MED12L: variants seen among roughly 807,000 people sequenced by gnomAD.
The protein encoded by MED12L is mediator of RNA polymerase II transcription subunit 12-like protein.
MED12L carries 60 observed loss-of-function variants against 281.3 expected under a neutral mutation model. The ratio of observed to expected loss-of-function variants is 0.21; its 90% CI spans 0.17 to 0.26. The LOEUF is 0.26. Among genes scored for constraint, MED12L ranks in the 10% least tolerant of loss-of-function variants. MED12L has a pLI of 1.00. For synonymous variants in MED12L, 974 were observed against 987.2 expected, an observed-to-expected ratio of 0.99 and a Z score of 0.25; for missense variants, 2,146 against 2,680.9, an observed-to-expected ratio of 0.80 and a Z score of 4.41.
chr3:151,294,550 G>A lies in MED12L; in HGVS notation c.2251-55509G>A, dbSNP rs1205251936. On this transcript the variant is annotated intron_variant, in intron 16 of 44. Transcript: ENST00000687756. ...TGAATTGCCTGCTGGATTTGTGGAT[G>A]TACCTGGATATGGCTATGTAACATC... 2.5e-6 allele frequency: 4 copies of A among 1,614,042 alleles called. No homozygotes were observed. The African/African-American group carries it at 5.3e-5, about 22-fold the overall frequency.
At chr3:151,143,069 C>T (rs1450989925) in intron 5 of MED12L, among the ~76,000 whole-genome samples, 1 of 152,184 alleles carries the variant, frequency 6.6e-6, no homozygotes, top group East Asian at 1.9e-4. Flanking sequence ...ACATAACATG[C>T]ATCATTCTTT....
intron 16 of MED12L, among the ~76,000 whole-genome samples, chr3:151,246,406 C>G (rs1409993582): frequency 2.0e-5 from 3 of 152,062 alleles, no homozygotes; most frequent in Admixed American, 6.5e-5. Flanking sequence ...CAGCATGGTA[C>G]TGGTACCAAA....
chr3:151,278,680 AAATTCAACATGTGGTAT>A (rs1426827796), intron 16 of MED12L, among the ~76,000 whole-genome samples: 1 of 152,168 alleles, frequency 6.6e-6, no homozygotes, highest in Non-Finnish European at 1.5e-5. Flanking sequence ...TGCCATTGTC[AAATTCAACATGTGGTAT>A]GAGGTGGAGA....
At position 151,434,835 on chromosome 3, in the gene MED12L, A is replaced by AATTTAACTCAC. The variant is rs1339969694; in HGVS notation, c.*2031_*2032insATTTAACTCAC. 1 of 152,248 alleles carries AATTTAACTCAC rather than the reference A, an allele frequency of 6.6e-6. No individual in the cohort carries two copies. Among genetic ancestry groups the AATTTAACTCAC allele is most frequent in the African/African-American group, 2.4e-5 (1 of 41,474 alleles). 9.4% of individuals were successfully genotyped at this position (152,248 alleles called of 1,614,324 possible). On this transcript the variant is annotated 3_prime_UTR_variant, in exon 45 of 45. Coordinates refer to ENST00000687756, the MANE Select transcript of MED12L (RefSeq NM_001393769.1). Reference sequence around the variant, plus strand: ...TGCATAGCATTTGTATGCACTTTATACTTTGCAGAGGTGAGTTAAATTATT... The same window carrying AATTTAACTCAC: ...TGCATAGCATTTGTATGCACTTTATAATTTAACTCACCTTTGCAGAGGTGAGTTAAATTATT...
At chr3:151,403,308 T>G (rs1289156705) in intron 39 of MED12L, among the ~76,000 whole-genome samples, 1 of 152,190 alleles carries the variant, frequency 6.6e-6, no homozygotes, top group East Asian at 1.9e-4. Flanking sequence ...ATAGACCAGT[T>G]CGTGCACCTT....
At position 151,087,120 on chromosome 3, in the gene MED12L, GT is replaced by G. The variant is rs1285042634; in HGVS notation, c.99+96del. On this transcript the variant is annotated intron_variant, in intron 2 of 44. Coordinates refer to ENST00000687756, the MANE Select transcript of MED12L (RefSeq NM_001393769.1). ...CCCAGCGGGCATCGCCGGCGCTGCG[GT>G]GGAAGAGGTCGGGGAGGGGGATTAG... 1.2e-5 allele frequency: 12 copies of G among 1,038,876 alleles called. No homozygotes were observed. The African/African-American group carries it at 1.8e-4, about 16-fold the overall frequency. 64.4% of individuals were successfully genotyped at this position (1,038,876 alleles called of 1,614,324 possible).
intron 39 of MED12L, among the ~76,000 whole-genome samples, chr3:151,400,636 G>A (rs1577564940): frequency 6.6e-6 from 1 of 152,172 alleles, no homozygotes; most frequent in Non-Finnish European, 1.5e-5. Flanking sequence ...TCCCAGAGCT[G>A]TTAGCTCCTT....
intron 37 of MED12L, 102 bp from the exon 38 acceptor site, chr3:151,389,877 T>C: frequency 1.8e-6 from 2 of 1,109,128 alleles, no homozygotes; most frequent in South Asian, 2.9e-5. Context: ...GCTTTGTACA[T>C]TGGGATAGGA....
At chr3:151,397,546 G>C (rs910911662) in intron 39 of MED12L, among the ~76,000 whole-genome samples, 5 of 152,028 alleles carry the variant, frequency 3.3e-5, no homozygotes, top group Non-Finnish European at 7.4e-5. Flanking sequence ...TAGCAAATAT[G>C]GTCTTATGGC....
intron 31 of MED12L, 152 bp from the exon 32 acceptor site, chr3:151,379,961 T>A: frequency 3.8e-6 from 2 of 529,866 alleles, no homozygotes; most frequent in Non-Finnish European, 6.6e-6. Context: ...TTTAATTTTA[T>A]AAGTAGAGGT....
intron 3 of MED12L, among the ~76,000 whole-genome samples, chr3:151,121,920 G>T (rs962408577): frequency 2.6e-5 from 4 of 151,722 alleles, no homozygotes; most frequent in Admixed American, 2.0e-4. Context: ...CACTGTGTTG[G>T]CCAGGCTGGT....
intron 16 of MED12L, among the ~76,000 whole-genome samples, chr3:151,282,831 T>C (rs1489868309): frequency 1.3e-5 from 2 of 151,806 alleles, no homozygotes; most frequent in African/African-American, 4.9e-5. Context: ...TGAAAAAGTG[T>C]TTTGAAAAAA....
chr3:151,231,868 T>A lies in MED12L; in HGVS notation c.2250+38202T>A, dbSNP rs530861804. ...GTATTTAGAAGGGAAGGGTCATGAT[T>A]ACCTGCAACTTATTTTGAAAGTACT... is the stretch of plus-strand genomic sequence containing the variant. On this transcript the variant is annotated intron_variant, in intron 16 of 44. Coordinates refer to ENST00000687756, the MANE Select transcript of MED12L (RefSeq NM_001393769.1). Among the ~76,000 whole-genome samples the A allele has an allele frequency of 5.3e-5, 8 of 152,338 alleles. No individual in the cohort carries two copies. In the South Asian group the frequency reaches 1.7e-3, roughly 32 times the overall value.
chr3:151,375,768 C>G (rs569465392), intron 27 of MED12L, among the ~76,000 whole-genome samples: 1 of 152,124 alleles, frequency 6.6e-6, no homozygotes, highest in East Asian at 1.9e-4. Context: ...TAAAAACATA[C>G]TAATATTCTC....
At chr3:151,309,731 G>T (rs1441286934) in intron 16 of MED12L, among the ~76,000 whole-genome samples, 3 of 152,142 alleles carry the variant, frequency 2.0e-5, no homozygotes, top group African/African-American at 7.2e-5. Context: ...CTGACTACCA[G>T]AGTGTCCTTG....
At position 151,376,129 on chromosome 3, in the gene MED12L, T is replaced by C; in HGVS notation, c.3968T>C (p.Leu1323Pro). ...TCAAATATGCAAGCACAGAAATTACTGCAGCTTATCTGTTATCCTCATGGC... is the reference window on the plus strand; with the variant it reads ...TCAAATATGCAAGCACAGAAATTACCGCAGCTTATCTGTTATCCTCATGGC... ...VLSNMQAQKL[L>P]QLICYPHGIK... The change falls in exon 28 of 45, where the codon CTG (leucine) becomes CCG (proline). Residue 1323 changes from leucine to proline, a missense_variant. Physicochemically the swap from Leu to Pro is moderately conservative, Grantham distance 98. Transcript: ENST00000687756. 6.2e-7 allele frequency: 1 copy of C among 1,611,320 alleles called. No individual in the cohort carries two copies. The highest frequency in any genetic ancestry group is 8.5e-7 in the Non-Finnish European group (1 of 1,179,024).
chr3:151,367,043 A>T (rs1028839882), intron 23 of MED12L, among the ~76,000 whole-genome samples: 1 of 152,020 alleles, frequency 6.6e-6, no homozygotes, highest in Admixed American at 6.6e-5. Flanking sequence ...TTTTCTTATT[A>T]TTTTCTGCCA....
intron 16 of MED12L, among the ~76,000 whole-genome samples, chr3:151,335,323 T>C (rs1750837508): frequency 6.6e-6 from 1 of 152,222 alleles, no homozygotes; most frequent in South Asian, 2.1e-4. Flanking sequence ...CTCATAAATA[T>C]GTACAGTTAT....
intron 16 of MED12L, 140 bp from the exon 17 acceptor site, chr3:151,349,919 G>A: frequency 1.7e-6 from 1 of 582,358 alleles, no homozygotes; most frequent in Non-Finnish European, 2.9e-6. Context: ...GCCAGTGGAG[G>A]TTGAGGTGAA....
Sources: allele counts gnomAD v4.1 joint callset (sites outside exome capture counted in the v4.1 genomes callset), GRCh38; gene constraint gnomAD v4.1.1; transcripts MANE v1.5; gene names NCBI Gene and HGNC (gene_info 2026-07-23, HGNC 2026-07-21).